The following HSD17B6 variants were observed in gnomAD, a reference collection of about 807,000 sequenced individuals.
HSD17B6 encodes the protein 17-beta-hydroxysteroid dehydrogenase type 6.
In HSD17B6, 16 loss-of-function variants were observed where a neutral mutation model predicts 26.4. The ratio of observed to expected loss-of-function variants is 0.61; its 90% confidence interval spans 0.41 to 0.92. The LOEUF (loss-of-function observed/expected upper bound fraction) is 0.92. HSD17B6 is among the 40% of genes least tolerant of loss of function. The probability of loss-of-function intolerance (pLI) is 0.00; values close to 1 mark genes in which losing one functional copy is unlikely to be tolerated. For missense variants in HSD17B6, 357 were observed against 386.1 expected, an observed-to-expected ratio of 0.92 and a Z score of 0.63; for synonymous variants, 139 against 153.0, an observed-to-expected ratio of 0.91 and a Z score of 0.68.
At chr12:56,769,246 G>T (rs1954417014) in intron 1 of HSD17B6, among the ~76,000 whole-genome samples, 1 of 151,990 alleles carries the variant, frequency 6.6e-6, no homozygotes, top group Non-Finnish European at 1.5e-5. Flanking sequence ...GGGACTACAG[G>T]CACTGCCACC....
intron 1 of HSD17B6, among the ~76,000 whole-genome samples, chr12:56,766,524 A>T (rs904645069): frequency 1.3e-5 from 2 of 152,222 alleles, no homozygotes; most frequent in Admixed American, 1.3e-4. Flanking sequence ...TTGATGGAAC[A>T]TAGGCAGTGT....
At chr12:56,783,347 GGCTGGCCGGGCA>G (rs1954775110) in intron 3 of HSD17B6, among the ~76,000 whole-genome samples, 1 of 135,830 alleles carries the variant, frequency 7.4e-6, no homozygotes, top group Non-Finnish European at 1.6e-5. Context: ...CGGACGGGGC[GGCTGGCCGGGCA>G]GGGGGCTGAG....
In HSD17B6 at chr12:56,787,329, C is replaced by T; in HGVS notation, c.941C>T (p.Ala314Val). The T allele has an allele frequency of 1.2e-6, 2 of 1,612,310 alleles. No individual in the cohort carries two copies. The highest frequency in any genetic ancestry group is 1.7e-6 in the Non-Finnish European group (2 of 1,178,640). The change falls in exon 5 of 5, where the codon GCC (alanine) becomes GTC (valine). Residue 314 changes from alanine (A) to valine (V), a missense_variant. Transcript: ENST00000322165. ...YILTRSWPKP[A>V]QAV ...TTGACTAGATCTTGGCCCAAACCAG[C>T]CCAGGCAGTCTAAAGAAAACTGGGT...
chr12:56,776,205 C>T (rs1017266513), intron 2 of HSD17B6, among the ~76,000 whole-genome samples: 6 of 151,984 alleles, frequency 3.9e-5, no homozygotes, highest in African/African-American at 1.2e-4. Context: ...GGATTACAGG[C>T]GTGAGCCATC....
intron 3 of HSD17B6, among the ~76,000 whole-genome samples, chr12:56,783,220 G>A (rs1360222275): frequency 6.3e-4 from 95 of 151,686 alleles, no homozygotes; most frequent in Non-Finnish European, 1.2e-3. Flanking sequence ...AGGGGCGGCC[G>A]GGCAGAGGCG....
Position 56,787,567 on chromosome 12 carries a change from A to G in HSD17B6, c.*225A>G, listed in dbSNP as rs74091700. 1,079 of 526,936 alleles carry G rather than the reference A, an allele frequency of 2.0e-3. 8 individuals carry two copies. Among genetic ancestry groups the G allele is most frequent in the African/African-American group, 0.018 (944 of 52,528 alleles). The allele number at this position is 526,936 out of a possible 1,614,324, so 32.6% of individuals were successfully genotyped here. A position where few individuals can be genotyped will look rare whatever the true frequency, so the allele number is the denominator to read the frequency against. The stretch of plus-strand genomic sequence containing the variant: ...ATTTTAGCCCTTTTTTGATGAGACT[A>G]TTTGTCTAAAGTGAATCATTTGTTC... On this transcript the variant is annotated 3_prime_UTR_variant, in exon 5 of 5. Transcript: ENST00000322165.
intron 1 of HSD17B6, among the ~76,000 whole-genome samples, chr12:56,772,882 G>A (rs951956563): frequency 1.3e-5 from 2 of 152,030 alleles, no homozygotes; most frequent in Admixed American, 1.3e-4. Flanking sequence ...AGAGTGCTGG[G>A]GACATTCATG....
intron 4 of HSD17B6, 123 bp from the exon 5 acceptor site, chr12:56,787,002 G>A: frequency 1.4e-6 from 1 of 706,312 alleles, no homozygotes; most frequent in Non-Finnish European, 2.4e-6. Flanking sequence ...CTATCATATT[G>A]GGATGCACAT....
intron 2 of HSD17B6, among the ~76,000 whole-genome samples, chr12:56,778,251 A>G (rs755001256): frequency 9.2e-5 from 14 of 152,102 alleles, no homozygotes; most frequent in Non-Finnish European, 1.8e-4. Context: ...AATCTAAAGG[A>G]GTCTTTGTTT....
chr12:56,772,117 T>C (rs1196794801), intron 1 of HSD17B6, among the ~76,000 whole-genome samples: 1 of 152,166 alleles, frequency 6.6e-6, no homozygotes, highest in Non-Finnish European at 1.5e-5. Flanking sequence ...GAAAACGGAC[T>C]AGTACACCTG....
intron 1 of HSD17B6, among the ~76,000 whole-genome samples, chr12:56,765,188 G>T (rs1243864865): frequency 6.6e-6 from 1 of 151,984 alleles, no homozygotes; most frequent in Non-Finnish European, 1.5e-5. Context: ...TGTAATCCCA[G>T]CACTTTGGGA....
At chr12:56,776,656 G>A (rs1954601492) in intron 2 of HSD17B6, among the ~76,000 whole-genome samples, 1 of 151,378 alleles carries the variant, frequency 6.6e-6, no homozygotes, top group Non-Finnish European at 1.5e-5. Flanking sequence ...TTGTTTGTTT[G>A]TTTTGTTTTG....
At chr12:56,777,979 T>C (rs1306649843) in intron 2 of HSD17B6, among the ~76,000 whole-genome samples, 1 of 152,218 alleles carries the variant, frequency 6.6e-6, no homozygotes, top group Admixed American at 6.5e-5. Flanking sequence ...TTCTATTGTA[T>C]TGTTATTGTT....
rs139388173 is a variant in HSD17B6, at chr12:56,787,218, C to T, written c.830C>T (p.Pro277Leu). Residue 277 changes from proline (P) to leucine (L), a missense_variant, in exon 5 of 5, where the codon CCG (proline) becomes CTG (leucine). By Grantham distance (98) the Pro-to-Leu change is moderately conservative. Transcript: ENST00000322165. ...CMEHALTSVH[P>L]RTRYSAGWDA... ...GAACATGCTCTGACATCGGTGCATCCGCGAACTCGATATTCAGCTGGCTGG... is the reference window on the plus strand; with the variant it reads ...GAACATGCTCTGACATCGGTGCATCTGCGAACTCGATATTCAGCTGGCTGG... The T allele has an allele frequency of 2.7e-4, 429 of 1,614,072 alleles. No homozygotes were observed. Among genetic ancestry groups the T allele is most frequent in the Admixed American group, 4.5e-4 (27 of 60,012 alleles).
At chr12:56,785,058 TTAGTCCATTCTCATGCTGC>T (rs1954847667) in intron 4 of HSD17B6, 42 bp downstream of exon 4, 1 of 1,554,564 alleles carries the variant, frequency 6.4e-7, no homozygotes, top group African/African-American at 1.4e-5. Flanking sequence ...GTACCCTGTA[TTAGTCCATTCTCATGCTGC>T]TATGAAGAAA....
chr12:56,782,975 C>T (rs1425081070), intron 3 of HSD17B6, among the ~76,000 whole-genome samples: 1 of 152,188 alleles, frequency 6.6e-6, no homozygotes, highest in African/African-American at 2.4e-5. Flanking sequence ...CACAGATCAA[C>T]AGGATCCCAA....
chr12:56,784,085 C>T (rs1247428827), intron 3 of HSD17B6, among the ~76,000 whole-genome samples: 8 of 151,394 alleles, frequency 5.3e-5, no homozygotes, highest in East Asian at 2.0e-4. Context: ...GATGGGCAGC[C>T]GGGCAGAGAC....
chr12:56,787,134 T>A lies in HSD17B6; in HGVS notation c.746T>A (p.Ile249Asn). ...CTTTTTTTGTATACAGTTTACAATA[T>A]CATGAAGGAAGGGCTGTTGAATTGT... ...GQQYFDALYN[I>N]MKEGLLNCST... is the part of the protein sequence containing the mutation. The change falls in exon 5 of 5, where the codon ATC (isoleucine) becomes AAC (asparagine). Residue 249 changes from isoleucine (I) to asparagine (N), a missense_variant. By Grantham distance (149) the Ile-to-Asn change is moderately radical. Transcript: ENST00000322165. 6.2e-7 allele frequency: 1 copy of A among 1,612,432 alleles called. No homozygotes were observed. The highest frequency in any genetic ancestry group is 8.5e-7 in the Non-Finnish European group (1 of 1,178,426).
At chr12:56,775,604 A>G (rs1028125540) in intron 2 of HSD17B6, among the ~76,000 whole-genome samples, 1 of 152,222 alleles carries the variant, frequency 6.6e-6, no homozygotes, top group African/African-American at 2.4e-5. Flanking sequence ...AATTGAACAG[A>G]AAGTACAGAG....
Sources: allele counts gnomAD v4.1 joint callset (sites outside exome capture counted in the v4.1 genomes callset), GRCh38; gene constraint gnomAD v4.1.1; transcripts MANE v1.5; gene names NCBI Gene and HGNC (gene_info 2026-07-23, HGNC 2026-07-21).